The following VPS13B variants were observed in gnomAD, a reference collection of about 807,000 sequenced individuals.
VPS13B encodes intermembrane lipid transfer protein VPS13B.
Under a neutral mutation model 426.4 loss-of-function variants are expected in VPS13B, and 285 were observed. The ratio of observed to expected loss-of-function variants is 0.67; its 90% CI spans 0.61 to 0.74. The LOEUF is 0.74. VPS13B is among the 30% of genes least tolerant of loss of function. VPS13B has a pLI of 0.00. For missense variants in VPS13B, 4,537 were observed against 4,782.6 expected, an observed-to-expected ratio of 0.95 and a Z score of 1.51; for synonymous variants, 1,676 against 1,676.4, an observed-to-expected ratio of 1.00 and a Z score of 0.01.
At chr8:99,678,476 T>C (rs753298648) in intron 35 of VPS13B, among the ~76,000 whole-genome samples, 2 of 152,136 alleles carry the variant, frequency 1.3e-5, no homozygotes, top group Non-Finnish European at 2.9e-5. Context: ...CCTCAGTTGA[T>C]CCAGTCAAAA....
At chr8:99,712,179 T>C (rs1253995979) in intron 36 of VPS13B, among the ~76,000 whole-genome samples, 1 of 152,192 alleles carries the variant, frequency 6.6e-6, no homozygotes, top group African/African-American at 2.4e-5. Context: ...TTTTTACGTA[T>C]GTGAAAAGCT....
At chr8:99,510,932 T>C (rs996440723) in intron 28 of VPS13B, among the ~76,000 whole-genome samples, 172 bp from the exon 29 acceptor site, 3 of 152,190 alleles carry the variant, frequency 2.0e-5, no homozygotes, top group Non-Finnish European at 4.4e-5. Context: ...ATTCTAACCA[T>C]CTTAGAAGCT....
At chr8:99,214,023 T>A (rs560575949) in intron 17 of VPS13B, among the ~76,000 whole-genome samples, 4 of 152,272 alleles carry the variant, frequency 2.6e-5, no homozygotes, top group Admixed American at 2.0e-4. Flanking sequence ...TTTAATTTTT[T>A]AAAAAGTTAT....
chr8:99,023,487 CTTTTTT>C (rs1280881092), intron 2 of VPS13B, among the ~76,000 whole-genome samples: 1 of 143,420 alleles, frequency 7.0e-6, no homozygotes, highest in East Asian at 2.0e-4. Context: ...TCTTTCTTTT[CTTTTTT>C]TTTTTTGAGA....
intron 35 of VPS13B, among the ~76,000 whole-genome samples, chr8:99,677,214 TC>T (rs1830975589): frequency 6.6e-6 from 1 of 152,230 alleles, no homozygotes; most frequent in African/African-American, 2.4e-5. Context: ...CTGCCCCTTC[TC>T]TCTTGCCAGA....
chr8:99,128,583 T>G (rs1809576145), intron 8 of VPS13B, among the ~76,000 whole-genome samples: 1 of 152,052 alleles, frequency 6.6e-6, no homozygotes, highest in Non-Finnish European at 1.5e-5. Flanking sequence ...TTTTTCAGGT[T>G]TTGTTTCCTC....
intron 35 of VPS13B, among the ~76,000 whole-genome samples, chr8:99,690,922 A>G (rs891900713): frequency 2.6e-5 from 4 of 152,240 alleles, no homozygotes; most frequent in African/African-American, 9.6e-5. Flanking sequence ...TATTCATAGC[A>G]GCATTATTCA....
intron 27 of VPS13B, among the ~76,000 whole-genome samples, chr8:99,505,168 C>A (rs1345603074): frequency 3.3e-5 from 5 of 152,132 alleles, no homozygotes; most frequent in African/African-American, 1.2e-4. Context: ...TGGTTTGATC[C>A]TCTACCCAGA....
At chr8:99,357,539 T>C (rs1020224190) in intron 19 of VPS13B, among the ~76,000 whole-genome samples, 38 of 152,190 alleles carry the variant, frequency 2.5e-4, no homozygotes, top group Non-Finnish European at 1.2e-4. Context: ...AAAGTTTTTT[T>C]GGTTTGTTTT....
intron 43 of VPS13B, among the ~76,000 whole-genome samples, chr8:99,793,464 G>T (rs761573877): frequency 2.6e-5 from 4 of 151,880 alleles, no homozygotes; most frequent in Non-Finnish European, 4.4e-5. Context: ...AGATACTATG[G>T]AGGCTAGAAG....
intron 34 of VPS13B, among the ~76,000 whole-genome samples, chr8:99,645,332 G>C (rs1018010454): frequency 6.6e-6 from 1 of 152,162 alleles, no homozygotes; most frequent in African/African-American, 2.4e-5. Flanking sequence ...AAAGTACTTA[G>C]CATTGAGCCA....
intron 4 of VPS13B, among the ~76,000 whole-genome samples, chr8:99,100,978 A>G (rs1437819605): frequency 6.6e-6 from 1 of 151,408 alleles, no homozygotes; most frequent in Non-Finnish European, 1.5e-5. Flanking sequence ...CGGGAGGCGG[A>G]GGTTGTCGTG....
At chr8:99,371,013 G>A (rs973672959) in intron 19 of VPS13B, among the ~76,000 whole-genome samples, 13 of 152,130 alleles carry the variant, frequency 8.5e-5, no homozygotes, top group East Asian at 1.9e-4. Flanking sequence ...ATCACAAACC[G>A]CTTGAAATTT....
chr8:99,389,577 G>T (rs1307000987), intron 20 of VPS13B: 1 of 152,056 alleles, frequency 6.6e-6, no homozygotes, highest in African/African-American at 2.4e-5. Context: ...ATGTTATTAA[G>T]AAAACCATAA....
chr8:99,164,109 C>T (rs1387217442), intron 15 of VPS13B, among the ~76,000 whole-genome samples: 1 of 152,152 alleles, frequency 6.6e-6, no homozygotes, highest in African/African-American at 2.4e-5. Flanking sequence ...GGGGAAGTGC[C>T]AGTGGGTCGG....
intron 33 of VPS13B, among the ~76,000 whole-genome samples, chr8:99,630,796 A>G (rs1456714962): frequency 6.6e-6 from 1 of 152,136 alleles, no homozygotes; most frequent in Non-Finnish European, 1.5e-5. Context: ...TATATGGGAT[A>G]TATTAGGAAT....
At chr8:99,377,948 G>A (rs564882472) in intron 19 of VPS13B, among the ~76,000 whole-genome samples, 10 of 152,170 alleles carry the variant, frequency 6.6e-5, no homozygotes, top group Non-Finnish European at 1.2e-4. Flanking sequence ...GTGTCCCGCT[G>A]TGCACTCATT....
chr8:99,827,632 AT>A (rs1202526022), intron 51 of VPS13B, among the ~76,000 whole-genome samples: 2 of 149,506 alleles, frequency 1.3e-5, no homozygotes, highest in South Asian at 2.1e-4. Flanking sequence ...TAGCTTTTGA[AT>A]TTTTTTGCTC....
chr8:99,742,606 A>T (rs1809804664), intron 39 of VPS13B, among the ~76,000 whole-genome samples: 1 of 152,180 alleles, frequency 6.6e-6, no homozygotes, highest in African/African-American at 2.4e-5. Flanking sequence ...ATCCAGCAGC[A>T]CATCAAAAAG....
Sources: gnomAD v4.1 joint callset for allele counts (sites outside exome capture counted in the v4.1 genomes callset) on GRCh38, gnomAD v4.1.1 for gene constraint, MANE v1.5 for transcripts, NCBI Gene and HGNC (gene_info 2026-07-23, HGNC 2026-07-21) for gene names.